TRAPPC9: variants seen among roughly 807,000 people sequenced by gnomAD.
The protein encoded by TRAPPC9 is trafficking protein particle complex subunit 9, also known as IKK2 binding protein.
Under a neutral mutation model 124.0 loss-of-function variants are expected in TRAPPC9, and 83 were observed. The observed-to-expected ratio is 0.67, with a 90% CI of 0.56 to 0.80. TRAPPC9 has a LOEUF of 0.80. Ranked by LOEUF, TRAPPC9 falls within the 30% of genes least tolerant of loss-of-function variation. The pLI, the probability that TRAPPC9 is intolerant of heterozygous loss-of-function variation, is 0.00. For synonymous variants in TRAPPC9, 638 were observed against 617.5 expected (o/e 1.03, Z -0.49); for missense variants, 1,302 against 1,508.3 (o/e 0.86, Z 2.27).
intron 17 of TRAPPC9, among the ~76,000 whole-genome samples, chr8:140,033,658 G>GTTTTTTTTTTTTTTGTTTTGTTTTTTTTT (rs1840651182): frequency 2.4e-5 from 1 of 42,366 alleles, no homozygotes. Context: ...TCATAATGTG[G>GTTTTTTTTTTTTTTGTTTTGTTTTTTTTT]TTTTTTTTTT....
intron 18 of TRAPPC9, among the ~76,000 whole-genome samples, chr8:139,993,700 A>G (rs1563673102): frequency 6.6e-6 from 1 of 152,250 alleles, no homozygotes; most frequent in Non-Finnish European, 1.5e-5. Flanking sequence ...ACCTATGCAG[A>G]GGTGACAATG....
At chr8:140,308,744 G>A (rs1475890067) in intron 10 of TRAPPC9, among the ~76,000 whole-genome samples, 1 of 152,058 alleles carries the variant, frequency 6.6e-6, no homozygotes, top group African/African-American at 2.4e-5. Flanking sequence ...AGCCGGTCGT[G>A]GTGCCATGCG....
chr8:140,035,448 A>T (rs1840815858), intron 17 of TRAPPC9, among the ~76,000 whole-genome samples: 1 of 152,234 alleles, frequency 6.6e-6, no homozygotes, highest in East Asian at 1.9e-4. Context: ...AAAGATGCCA[A>T]ACTAAGTACC....
In TRAPPC9 at chr8:140,063,278, T is replaced by C. The variant is rs538386868; in HGVS notation, c.2557-39199A>G. On this transcript the variant is annotated intron_variant, in intron 17 of 22. Coordinates refer to ENST00000438773, the MANE Select transcript of TRAPPC9 (RefSeq NM_001160372.4). The surrounding 1 kb of genome is among the most constrained non-coding windows in gnomAD (Gnocchi z 4.3). Reference sequence around the variant, plus strand: ...TAAGCATATCACCAACACATTTTGGTTTTCAGTTACTCCTCTTTGGCCCAC... The same window carrying C: ...TAAGCATATCACCAACACATTTTGGCTTTCAGTTACTCCTCTTTGGCCCAC... 2.0e-5 allele frequency among the ~76,000 whole-genome samples: 3 copies of C among 152,280 alleles called. No individual in the cohort carries two copies. The highest frequency in any genetic ancestry group is 4.4e-5 in the Non-Finnish European group (3 of 68,018).
chr8:140,080,451 G>C (rs567944268), intron 17 of TRAPPC9, among the ~76,000 whole-genome samples: 1 of 152,362 alleles, frequency 6.6e-6, no homozygotes, highest in East Asian at 1.9e-4. Flanking sequence ...ACTGGCATCT[G>C]TTCGGCTTCT....
chr8:139,885,237 G>T (rs1284703932), intron 21 of TRAPPC9, among the ~76,000 whole-genome samples: 1 of 152,186 alleles, frequency 6.6e-6, no homozygotes, highest in African/African-American at 2.4e-5. Context: ...AAATATTTTT[G>T]AGTTCAATGT....
intron 21 of TRAPPC9, among the ~76,000 whole-genome samples, chr8:139,745,449 A>G (rs1289235908): frequency 1.3e-5 from 2 of 152,232 alleles, no homozygotes; most frequent in Non-Finnish European, 2.9e-5. Context: ...GAGCTGAGAA[A>G]GGAGTTGTGG....
Position 140,252,925 on chromosome 8 carries a change from T to G in TRAPPC9, c.2283A>C (p.Lys761Asn), listed in dbSNP as rs151200317. 16 of 1,613,750 alleles carry G rather than the reference T, an allele frequency of 9.9e-6. No individual in the cohort carries two copies. The South Asian group carries it at 1.6e-4, about 17-fold the overall frequency. The change falls in exon 16 of 23, where the codon AAA becomes AAC. Residue 761 changes from lysine to asparagine, a missense_variant. Transcript: ENST00000438773. The surrounding 1 kb of genome is among the most constrained non-coding windows in gnomAD (Gnocchi z 4.2). ...TCCAGCTCAAGAAGTCGCCATACAA[T>G]TTTTCTGTAATAATAACAATGACAG... The part of the protein sequence containing the change: ...VTSKVLTTKE[K>N]LYGDFLSWKL...
At chr8:140,026,857 G>A (rs1320390399) in intron 17 of TRAPPC9, among the ~76,000 whole-genome samples, 1 of 152,066 alleles carries the variant, frequency 6.6e-6, no homozygotes, top group Admixed American at 6.6e-5. Flanking sequence ...CTTACAAATG[G>A]CTCAATAAAA....
At chr8:139,850,054 C>A (rs1163375880) in intron 21 of TRAPPC9, among the ~76,000 whole-genome samples, 2 of 152,198 alleles carry the variant, frequency 1.3e-5, no homozygotes, top group African/African-American at 2.4e-5. Flanking sequence ...TTGAGCCCAA[C>A]CCTGCATCTC....
chr8:140,233,630 C>CACACACACACACAT (rs2063660390), intron 16 of TRAPPC9, among the ~76,000 whole-genome samples: 1 of 144,810 alleles, frequency 6.9e-6, no homozygotes, highest in Non-Finnish European at 1.5e-5. Flanking sequence ...CCACCACACA[C>CACACACACACACAT]ACACACACAC....
chr8:139,761,093 G>A (rs1449893050), intron 21 of TRAPPC9, among the ~76,000 whole-genome samples: 2 of 152,214 alleles, frequency 1.3e-5, no homozygotes, highest in East Asian at 1.9e-4. Flanking sequence ...GTAAGAACAG[G>A]GTTTTTGAAG....
chr8:140,061,004 C>G (rs992612073), intron 17 of TRAPPC9, among the ~76,000 whole-genome samples: 2 of 152,222 alleles, frequency 1.3e-5, no homozygotes, highest in Non-Finnish European at 2.9e-5. Context: ...GTCACACTGT[C>G]ACAGTCTGGA....
intron 21 of TRAPPC9, among the ~76,000 whole-genome samples, chr8:139,749,565 C>T (rs899926389): frequency 2.0e-5 from 3 of 152,206 alleles, no homozygotes; most frequent in African/African-American, 4.8e-5. Flanking sequence ...CCCCTCTCAC[C>T]CTGTACCCCC....
intron 18 of TRAPPC9, among the ~76,000 whole-genome samples, chr8:140,007,102 C>G (rs913431451): frequency 1.3e-5 from 2 of 152,180 alleles, no homozygotes; most frequent in East Asian, 3.8e-4. Flanking sequence ...AAGGCGCACA[C>G]AGCAATGCTT....
intron 7 of TRAPPC9, among the ~76,000 whole-genome samples, chr8:140,385,179 G>C (rs1588258053): frequency 1.3e-5 from 2 of 152,150 alleles, no homozygotes; most frequent in East Asian, 3.8e-4. Flanking sequence ...AGTGTGTAGA[G>C]GGAAATTTAT....
intron 7 of TRAPPC9, among the ~76,000 whole-genome samples, chr8:140,382,839 C>G (rs2132301491): frequency 6.6e-6 from 1 of 152,300 alleles, no homozygotes; most frequent in Non-Finnish European, 1.5e-5. Flanking sequence ...AGTTTGAGAT[C>G]TGAGAACGGA....
chr8:140,152,153 G>C (rs567803671), intron 17 of TRAPPC9, among the ~76,000 whole-genome samples: 1 of 149,770 alleles, frequency 6.7e-6, no homozygotes, highest in Non-Finnish European at 1.5e-5. Flanking sequence ...AAAAAGCCTC[G>C]GACAGCATAG....
chr8:140,012,385 G>C (rs1473678675), intron 18 of TRAPPC9, among the ~76,000 whole-genome samples: 5 of 152,166 alleles, frequency 3.3e-5, no homozygotes, highest in Non-Finnish European at 5.9e-5. Flanking sequence ...CTTAAAAGGG[G>C]AGACACAGAA....
Sources: gnomAD v4.1 joint callset for allele counts (sites outside exome capture counted in the v4.1 genomes callset) on GRCh38, gnomAD v4.1.1 for gene constraint, Gnocchi (gnomAD v3.1) non-coding constraint, MANE v1.5 for transcripts, NCBI Gene and HGNC (gene_info 2026-07-23, HGNC 2026-07-21) for gene names.